Variants in PCDH15 observed in about 807,000 individuals in gnomAD.
The protein encoded by PCDH15 is protocadherin-15.
Under a neutral mutation model 178.5 loss-of-function variants are expected in PCDH15, and 129 were observed. That is an observed-to-expected ratio of 0.72 (90% CI 0.63 to 0.84). The LOEUF is 0.84. PCDH15 is among the 40% of genes least tolerant of loss of function. PCDH15 has a pLI of 0.00. For missense variants in PCDH15, 2,230 were observed against 2,099.9 expected (o/e 1.06, Z -1.21); for synonymous variants, 800 against 732.0 (o/e 1.09, Z -1.50).
chr10:55,274,228 A>G (rs961175995), intron 1 of PCDH15, among the ~76,000 whole-genome samples: 1 of 152,068 alleles, frequency 6.6e-6, no homozygotes, highest in Non-Finnish European at 1.5e-5. Context: ...GATTGAATAG[A>G]CCCCAGAGAG....
chr10:54,113,639 GAC>G (rs57193886), intron 15 of PCDH15, among the ~76,000 whole-genome samples: 47,061 of 149,534 alleles, frequency 0.31, 7,506 homozygotes, highest in Middle Eastern at 0.38. Context: ...TCCCAACACA[GAC>G]ACACACACAC....
intron 3 of PCDH15, among the ~76,000 whole-genome samples, chr10:54,483,388 T>C (rs1043488418): frequency 2.0e-5 from 3 of 151,884 alleles, no homozygotes; most frequent in Non-Finnish European, 4.4e-5. Flanking sequence ...ATTTATTTTA[T>C]GAAGGGAGAG....
In PCDH15 at chr10:55,088,118, G is replaced by T. The variant is rs529499779; in HGVS notation, c.-80+78458C>A. On this transcript the variant is annotated intron_variant, in intron 2 of 5. Transcript: ENST00000458638. ...ATTCTAATACACATAAACTACTCTT[G>T]TGTTATCTTGAATTATCTATGTCTA... Among the ~76,000 whole-genome samples, 4 of 152,016 alleles carry T rather than the reference G, an allele frequency of 2.6e-5. No individual in the cohort carries two copies. The South Asian group carries it at 8.3e-4, about 32-fold the overall frequency.
intron 2 of PCDH15, among the ~76,000 whole-genome samples, chr10:55,438,395 A>G (rs1839098556): frequency 6.6e-6 from 1 of 152,184 alleles, no homozygotes; most frequent in Admixed American, 6.5e-5. Context: ...AATAAGTTAA[A>G]GTAGAAACAA....
At chr10:54,569,680 A>T (rs2089524484) in intron 2 of PCDH15, among the ~76,000 whole-genome samples, 1 of 152,154 alleles carries the variant, frequency 6.6e-6, no homozygotes, top group South Asian at 2.1e-4. Context: ...AAAGTCTTGG[A>T]TGTTATATCT....
intron 3 of PCDH15, among the ~76,000 whole-genome samples, chr10:54,865,782 A>T (rs1953928430): frequency 6.6e-6 from 1 of 152,202 alleles, no homozygotes; most frequent in Non-Finnish European, 1.5e-5. Context: ...AGAAAAAAAA[A>T]CAGAACACAA....
chr10:53,982,143 T>A (rs1292906542), intron 21 of PCDH15, among the ~76,000 whole-genome samples: 2 of 152,010 alleles, frequency 1.3e-5, no homozygotes, highest in Admixed American at 6.5e-5. Flanking sequence ...CCAGTTAGAA[T>A]GGCAATCATT....
intron 3 of PCDH15, among the ~76,000 whole-genome samples, chr10:54,820,326 T>C (rs1400841409): frequency 6.6e-6 from 1 of 152,070 alleles, no homozygotes; most frequent in African/African-American, 2.4e-5. Flanking sequence ...TTTCGTTTTT[T>C]AGAGTACATT....
intron 2 of PCDH15, among the ~76,000 whole-genome samples, chr10:54,985,615 G>T (rs1015078586): frequency 1.3e-5 from 2 of 152,136 alleles, no homozygotes; most frequent in Non-Finnish European, 1.5e-5. Context: ...CTGATGATCA[G>T]GTGACTGACT....
In PCDH15 at chr10:54,622,574, T is replaced by TATATATATA. The variant is rs1176645091; in HGVS notation, c.91+41589_91+41597dup. Reference sequence around the variant, plus strand: ...AACATCATTGTAACCTGTGTGTATATATATATATAATATATATAATATATA... The same window carrying TATATATATA: ...AACATCATTGTAACCTGTGTGTATATATATATATAATATATATAATATATATAATATATA... On this transcript the variant is annotated intron_variant, in intron 2 of 37. Coordinates refer to ENST00000644397, the MANE Select transcript of PCDH15 (RefSeq NM_001384140.1). Among the ~76,000 whole-genome samples the TATATATATA allele has an allele frequency of 6.5e-5, 5 of 77,166 alleles. 1 individual carries two copies. Among genetic ancestry groups the TATATATATA allele is most frequent in the African/African-American group, 2.7e-4 (5 of 18,306 alleles). The allele number at this position is 77,166 out of a possible 152,430, so 50.6% of individuals were successfully genotyped here.
chr10:53,951,894 C>T (rs370445707), intron 23 of PCDH15, among the ~76,000 whole-genome samples: 2 of 152,172 alleles, frequency 1.3e-5, no homozygotes, highest in East Asian at 1.9e-4. Context: ...CAGCCAGGCA[C>T]GCTGGCTGCT....
At chr10:55,577,652 T>C (rs1311603405) in intron 2 of PCDH15, among the ~76,000 whole-genome samples, 1 of 152,082 alleles carries the variant, frequency 6.6e-6, no homozygotes, top group Admixed American at 6.6e-5. Context: ...AGACAAAAAA[T>C]AAAATATATT....
intron 6 of PCDH15, among the ~76,000 whole-genome samples, chr10:54,344,966 G>A (rs9415302): frequency 7.3e-6 from 1 of 136,560 alleles, no homozygotes; most frequent in Non-Finnish European, 1.5e-5. Flanking sequence ...CTAATAAAAT[G>A]TATATATATA....
At chr10:54,762,784 T>C (rs1377616678) in intron 1 of PCDH15, among the ~76,000 whole-genome samples, 2 of 152,130 alleles carry the variant, frequency 1.3e-5, no homozygotes, top group African/African-American at 4.8e-5. Context: ...AGTGCAATCA[T>C]AAAAACAATG....
chr10:55,121,366 G>A (rs892441867), intron 2 of PCDH15, among the ~76,000 whole-genome samples: 4 of 148,830 alleles, frequency 2.7e-5, no homozygotes, highest in African/African-American at 7.3e-5. Flanking sequence ...GCTGGGGGGG[G>A]GCAATTTGCC....
chr10:54,114,600 G>A (rs1396069436), intron 15 of PCDH15, among the ~76,000 whole-genome samples: 1 of 152,088 alleles, frequency 6.6e-6, no homozygotes, highest in East Asian at 1.9e-4. Context: ...ATAAGCACAA[G>A]TGCATATAGG....
intron 3 of PCDH15, among the ~76,000 whole-genome samples, chr10:54,479,682 T>C (rs2078567059): frequency 6.6e-6 from 1 of 152,072 alleles, no homozygotes; most frequent in Non-Finnish European, 1.5e-5. Flanking sequence ...CTTTTTTCCA[T>C]ATAACTTTGC....
intron 4 of PCDH15, among the ~76,000 whole-genome samples, chr10:54,372,021 C>A (rs1396411128): frequency 6.6e-6 from 1 of 151,774 alleles, no homozygotes; most frequent in Non-Finnish European, 1.5e-5. Flanking sequence ...AATTAGATGA[C>A]CTCCATTTTT....
chr10:54,142,638 T>C (rs769438219), intron 14 of PCDH15, among the ~76,000 whole-genome samples: 1 of 152,182 alleles, frequency 6.6e-6, no homozygotes, highest in Non-Finnish European at 1.5e-5. Context: ...TGCTCTTTAA[T>C]AGATAATCGT....
Sources: allele counts gnomAD v4.1 joint callset (sites outside exome capture counted in the v4.1 genomes callset), GRCh38; gene constraint gnomAD v4.1.1; transcripts MANE v1.5; gene names NCBI Gene and HGNC (gene_info 2026-07-23, HGNC 2026-07-21).